The following KAZN variants were observed in gnomAD, a reference collection of about 807,000 sequenced individuals.
KAZN encodes kazrin, periplakin interacting protein.
KAZN carries 40 observed loss-of-function variants against 87.4 expected under a neutral mutation model. The observed-to-expected ratio is 0.46, with a 90% confidence interval of 0.36 to 0.60. KAZN has a LOEUF of 0.60. KAZN is among the 20% of genes least tolerant of loss of function. The probability of loss-of-function intolerance (pLI) is 0.00; values close to 1 mark genes in which losing one functional copy is unlikely to be tolerated. For synonymous variants in KAZN, 466 were observed against 458.3 expected (o/e 1.02, Z -0.22); for missense variants, 898 against 1,073.9 (o/e 0.84, Z 2.29).
chr1:13,994,613 T>C (rs1390421929), intron 1 of KAZN, among the ~76,000 whole-genome samples: 2 of 152,176 alleles, frequency 1.3e-5, no homozygotes, highest in Non-Finnish European at 2.9e-5. Context: ...GTTTATAGTC[T>C]GGTGAGTTGA....
chr1:14,903,557 G>A (rs1214827461), intron 1 of KAZN, among the ~76,000 whole-genome samples: 1 of 152,182 alleles, frequency 6.6e-6, no homozygotes, highest in African/African-American at 2.4e-5. Flanking sequence ...TTTGCCAGAT[G>A]GGCAGAGGAG....
At chr1:14,355,401 TA>T (rs1658930891) in intron 2 of KAZN, among the ~76,000 whole-genome samples, 3 of 14,248 alleles carry the variant, frequency 2.1e-4, no homozygotes, top group African/African-American at 4.9e-4. Context: ...ACAATCTACA[TA>T]TTTATTTATT....
chr1:14,139,972 ATG>A (rs750898194), intron 1 of KAZN, among the ~76,000 whole-genome samples: 1 of 66,420 alleles, frequency 1.5e-5, no homozygotes, highest in Non-Finnish European at 2.6e-5. Context: ...TGTGTGTGGT[ATG>A]TATGTGTGTG....
chr1:14,158,668 T>G (rs1645647112), intron 1 of KAZN, among the ~76,000 whole-genome samples: 1 of 152,184 alleles, frequency 6.6e-6, no homozygotes, highest in Non-Finnish European at 1.5e-5. Context: ...ATAGATGCTT[T>G]TCAATGTCTG....
exon 2 of KAZN, chr1:14,180,562 A>G (rs10928050): frequency 0.17 from 257,997 of 1,548,730 alleles, 23,520 homozygotes; most frequent in East Asian, 0.38. Context: ...GTTCCATGAT[A>G]TTGATGAGGC....
intron 1 of KAZN, among the ~76,000 whole-genome samples, chr1:14,611,453 G>A (rs372449635): frequency 3.3e-5 from 5 of 152,112 alleles, no homozygotes; most frequent in African/African-American, 7.2e-5. Context: ...GCACCCTCCC[G>A]AGGTGGGAGG....
chr1:14,325,977 A>G (rs1390818611), intron 2 of KAZN, among the ~76,000 whole-genome samples: 1 of 152,034 alleles, frequency 6.6e-6, no homozygotes, highest in South Asian at 2.1e-4. Context: ...TTGGCAATCT[A>G]CACCCACTCC....
At chr1:15,112,645 G>C (rs1182570652) in intron 14 of KAZN, 104 bp downstream of exon 14, 1 of 613,008 alleles carries the variant, frequency 1.6e-6, no homozygotes, top group African/African-American at 2.2e-5. Flanking sequence ...TGTGAAGGTG[G>C]AGTGCCAGGC....
At chr1:14,676,717 G>C (rs1372333328) in intron 1 of KAZN, among the ~76,000 whole-genome samples, 2 of 152,172 alleles carry the variant, frequency 1.3e-5, no homozygotes, top group African/African-American at 4.8e-5. Flanking sequence ...TATATTGTAT[G>C]ATCCCATTTA....
chr1:14,453,234 C>T (rs879319240), intron 2 of KAZN, among the ~76,000 whole-genome samples: 1 of 152,078 alleles, frequency 6.6e-6, no homozygotes, highest in Non-Finnish European at 1.5e-5. Flanking sequence ...GGATTACAGG[C>T]GTGAGCCACC....
At chr1:14,233,198 C>A (rs1215098291) in intron 2 of KAZN, among the ~76,000 whole-genome samples, 1 of 152,118 alleles carries the variant, frequency 6.6e-6, no homozygotes, top group Admixed American at 6.5e-5. Flanking sequence ...GTGGCACGAT[C>A]ACACCTCACT....
chr1:14,452,533 T>A (rs904156299), intron 2 of KAZN, among the ~76,000 whole-genome samples: 1 of 152,222 alleles, frequency 6.6e-6, no homozygotes, highest in Non-Finnish European at 1.5e-5. Flanking sequence ...GGTTTGGATT[T>A]ATGACTCTTC....
At chr1:15,108,965 G>C (rs1031374716) in intron 13 of KAZN, among the ~76,000 whole-genome samples, 1 of 152,172 alleles carries the variant, frequency 6.6e-6, no homozygotes, top group African/African-American at 2.4e-5. Context: ...GGCCTAGATG[G>C]GGGGATTTCA....
chr1:14,022,447 A>G (rs1457800270), intron 1 of KAZN, among the ~76,000 whole-genome samples: 2 of 144,746 alleles, frequency 1.4e-5, no homozygotes, highest in African/African-American at 5.1e-5. Flanking sequence ...TAGGTCTTGA[A>G]AAGACCACGG....
chr1:14,018,640 C>T (rs1640680903), intron 1 of KAZN, among the ~76,000 whole-genome samples: 2 of 152,066 alleles, frequency 1.3e-5, no homozygotes, highest in South Asian at 4.2e-4. Flanking sequence ...TCCATGTGTA[C>T]AGACACCATC....
At chr1:14,046,883 G>A (rs893183618) in intron 1 of KAZN, among the ~76,000 whole-genome samples, 1 of 152,158 alleles carries the variant, frequency 6.6e-6, no homozygotes, top group African/African-American at 2.4e-5. Context: ...AGACATTTTG[G>A]CAGAATTTTC....
rs1327185887 is a variant in KAZN, at chr1:15,066,299, T to A, written c.1222+546T>A. On this transcript the variant is annotated intron_variant, in intron 8 of 14. Transcript: ENST00000376030. This position sits in a 1 kb window ranked among gnomAD's most constrained non-coding sequence, Gnocchi z 4.3. The stretch of plus-strand genomic sequence containing the variant: ...TCCAAACCGCTACTCCTGGAGCCCG[T>A]CTGGCAGAGGATGTGGTCTGTTTTT... 4 of 985,942 alleles carry A rather than the reference T, an allele frequency of 4.1e-6. No individual in the cohort carries two copies. The highest frequency in any genetic ancestry group is 1.1e-4 in the East Asian group (1 of 8,820). The allele number at this position is 985,942 out of a possible 1,614,324, so 61.1% of individuals were successfully genotyped here. A position where few individuals can be genotyped will look rare whatever the true frequency, so the allele number is the denominator to read the frequency against.
intron 1 of KAZN, among the ~76,000 whole-genome samples, chr1:13,959,365 C>T (rs1641668294): frequency 6.6e-6 from 1 of 152,168 alleles, no homozygotes. Flanking sequence ...CAGACAAGGA[C>T]CATACCCGAC....
chr1:14,297,406 C>T (rs1557623503), intron 2 of KAZN, among the ~76,000 whole-genome samples: 1 of 152,218 alleles, frequency 6.6e-6, no homozygotes. Flanking sequence ...CACTTGGTCA[C>T]TCCCTGGCTC....
Sources: allele counts gnomAD v4.1 joint callset (sites outside exome capture counted in the v4.1 genomes callset), GRCh38; gene constraint gnomAD v4.1.1; non-coding constraint Gnocchi (gnomAD v3.1); transcripts MANE v1.5; gene names NCBI Gene and HGNC (gene_info 2026-07-23, HGNC 2026-07-21).